Variants in TPCN1 observed in about 807,000 individuals in gnomAD.
TPCN1 encodes the protein two pore segment channel 1.
In TPCN1, 52 loss-of-function variants were observed where a neutral mutation model predicts 108.8. The ratio of observed to expected loss-of-function variants is 0.48; its 90% confidence interval spans 0.38 to 0.60. The LOEUF (loss-of-function observed/expected upper bound fraction) is 0.60. Ranked by LOEUF, TPCN1 falls within the 20% of genes least tolerant of loss-of-function variation. TPCN1 has a pLI of 0.00. For synonymous variants in TPCN1, 446 were observed against 433.7 expected (o/e 1.03, Z -0.35); for missense variants, 806 against 1,072.8 (o/e 0.75, Z 3.47).
chr12:113,286,966 T>G, intron 18 of TPCN1, 21 bp from the exon 19 acceptor site: 3 of 1,596,726 alleles, frequency 1.9e-6, no homozygotes, highest in South Asian at 2.2e-5. Context: ...AGGGTGGACC[T>G]TGGCCTCTCC....
chr12:113,244,697 G>A lies in TPCN1; in HGVS notation c.113-15671G>A, dbSNP rs548432547. The A allele has an allele frequency of 5.4e-5, 53 of 985,360 alleles. No homozygotes were observed. In the East Asian group the frequency reaches 9.1e-4, roughly 17 times the overall value. 61.0% of individuals were successfully genotyped at this position (985,360 alleles called of 1,614,324 possible). On this transcript the variant is annotated intron_variant, in intron 2 of 27. Coordinates refer to ENST00000335509, the MANE Select transcript of TPCN1 (RefSeq NM_017901.6). ...CTGGCAAGCGGCGGGGCGGTTGCTC[G>A]TTGTCATTCTGGTAGGCGCTGGTTT...
chr12:113,241,761 C>CGTGTGTGT lies in TPCN1; in HGVS notation c.112+14823_112+14830dup, dbSNP rs67580212. 8.0e-3 allele frequency among the ~76,000 whole-genome samples: 1,155 copies of CGTGTGTGT among 144,462 alleles called. 13 individuals carry two copies. The highest frequency in any genetic ancestry group is 0.021 in the African/African-American group (821 of 39,286). 94.8% of individuals were successfully genotyped at this position (144,462 alleles called of 152,430 possible). On this transcript the variant is annotated intron_variant, in intron 2 of 27. Transcript: ENST00000335509. ...AAACAGTGGCGTTTGCGTGCCTCTG[C>CGTGTGTGT]GTGTGTGTGTGTGTGTGTGTGTGTG...
At chr12:113,230,398 C>T (rs186829935) in intron 2 of TPCN1, among the ~76,000 whole-genome samples, 429 of 150,236 alleles carry the variant, frequency 2.9e-3, no homozygotes, top group African/African-American at 9.0e-3. Context: ...AAGTGATCCT[C>T]CCACCTCAGC....
At chr12:113,279,609 C>T (rs1955822276) in intron 14 of TPCN1, among the ~76,000 whole-genome samples, 1 of 150,936 alleles carries the variant, frequency 6.6e-6, no homozygotes, top group African/African-American at 2.4e-5. Flanking sequence ...TTTCACCATG[C>T]TGGCCAGGCT....
chr12:113,277,413 C>T lies in TPCN1; in HGVS notation c.1184+49C>T, dbSNP rs145849341. 4.4e-4 allele frequency: 713 copies of T among 1,609,054 alleles called. 5 individuals are homozygous for T. In the East Asian group the frequency reaches 0.013, roughly 30 times the overall value. On this transcript the variant is annotated intron_variant, in intron 12 of 27. Transcript: ENST00000335509. ...GCAGCATGGCCAGACAAGGTGTTCACGTCTAGAGTGAACGGGGGCATGTGA... is the reference window on the plus strand; with the variant it reads ...GCAGCATGGCCAGACAAGGTGTTCATGTCTAGAGTGAACGGGGGCATGTGA...
At position 113,293,369 on chromosome 12, in the gene TPCN1, C is replaced by T. The variant is rs941176058; in HGVS notation, c.2334+20C>T. On this transcript the variant is annotated intron_variant, in intron 27 of 27. Coordinates refer to ENST00000335509, the MANE Select transcript of TPCN1 (RefSeq NM_017901.6). ...ATCCAGGTAGGAGCCTGGCCGACCA[C>T]GCTGCGAATCCTCCCCCAAGCTATG... is the stretch of plus-strand genomic sequence containing the variant. 36 of 1,610,946 alleles carry T rather than the reference C, an allele frequency of 2.2e-5. No individual in the cohort carries two copies. Among genetic ancestry groups the T allele is most frequent in the Non-Finnish European group, 2.7e-5 (32 of 1,177,634 alleles).
intron 2 of TPCN1, among the ~76,000 whole-genome samples, chr12:113,256,724 A>G (rs1044852566): frequency 1.3e-5 from 2 of 152,104 alleles, no homozygotes; most frequent in African/African-American, 2.4e-5. Flanking sequence ...TGTAGAGACA[A>G]GATCTCACTG....
At chr12:113,244,607 T>C (rs1472741936) in intron 2 of TPCN1, 1 of 985,422 alleles carries the variant, frequency 1.0e-6, no homozygotes, top group African/African-American at 1.7e-5. Context: ...CTCATCAGTG[T>C]CACTCTGGTT....
Position 113,284,790 on chromosome 12 carries a change from T to C in TPCN1, c.1453+19T>C. 6.2e-7 allele frequency: 1 copy of C among 1,613,806 alleles called. No homozygotes were observed. The highest frequency in any genetic ancestry group is 8.5e-7 in the Non-Finnish European group (1 of 1,179,658). Reference sequence around the variant, plus strand: ...CTAACTAGTACGTTTCCGACATGGCTTTGCTGGACTGCTTGTTTTAAAATT... The same window carrying C: ...CTAACTAGTACGTTTCCGACATGGCCTTGCTGGACTGCTTGTTTTAAAATT... On this transcript the variant is annotated intron_variant, in intron 17 of 27. Coordinates refer to ENST00000335509, the MANE Select transcript of TPCN1 (RefSeq NM_017901.6). This position sits in a 1 kb window ranked among gnomAD's most constrained non-coding sequence, Gnocchi z 4.1.
intron 27 of TPCN1, 36 bp downstream of exon 27, chr12:113,293,385 C>G: frequency 6.3e-7 from 1 of 1,593,776 alleles, no homozygotes; most frequent in East Asian, 2.2e-5. Flanking sequence ...GAATCCTCCC[C>G]CAAGCTATGT....
chr12:113,243,557 C>T (rs1954232135), intron 2 of TPCN1, among the ~76,000 whole-genome samples: 1 of 152,078 alleles, frequency 6.6e-6, no homozygotes, highest in African/African-American at 2.4e-5. Flanking sequence ...ATTTTGAGAC[C>T]AGCCTGGCCA....
intron 1 of TPCN1, among the ~76,000 whole-genome samples, chr12:113,225,850 G>A (rs948248154): frequency 8.6e-5 from 13 of 151,790 alleles, no homozygotes; most frequent in African/African-American, 4.8e-5. Context: ...CACTGTGCCC[G>A]GCCTAATTCT....
At chr12:113,278,934 G>A in intron 14 of TPCN1, 99 bp downstream of exon 14, 2 of 1,023,188 alleles carry the variant, frequency 2.0e-6, no homozygotes, top group South Asian at 2.7e-5. Context: ...AGAGGGGTGT[G>A]TGTGTGTGTG....
intron 2 of TPCN1, among the ~76,000 whole-genome samples, chr12:113,249,065 C>G (rs545071321): frequency 2.0e-5 from 3 of 152,226 alleles, no homozygotes; most frequent in South Asian, 4.1e-4. Flanking sequence ...TGAGGCCCCT[C>G]CTGCCCCAAG....
intron 14 of TPCN1, 128 bp from the exon 15 acceptor site, chr12:113,280,023 C>A (rs749332514): frequency 1.4e-5 from 10 of 694,790 alleles, no homozygotes; most frequent in Non-Finnish European, 2.6e-5. Flanking sequence ...AAAGACCATG[C>A]TTACCTGCAT....
intron 2 of TPCN1, among the ~76,000 whole-genome samples, chr12:113,241,561 G>A (rs539460616): frequency 2.5e-4 from 38 of 152,358 alleles, no homozygotes; most frequent in Admixed American, 8.5e-4. Context: ...GCTTTCTGCT[G>A]ACCTCTTGCA....
chr12:113,236,792 T>A (rs1953916075), intron 2 of TPCN1, among the ~76,000 whole-genome samples: 1 of 152,124 alleles, frequency 6.6e-6, no homozygotes, highest in Non-Finnish European at 1.5e-5. Context: ...GGGCAGATGA[T>A]GTAACCTCTC....
At chr12:113,225,589 C>G (rs1005743920) in intron 1 of TPCN1, among the ~76,000 whole-genome samples, 1 of 152,028 alleles carries the variant, frequency 6.6e-6, no homozygotes, top group Non-Finnish European at 1.5e-5. Flanking sequence ...GAGACAGAGT[C>G]TCGCCCTGTC....
At chr12:113,245,820 C>A (rs1465849050) in intron 2 of TPCN1, 3 of 386,436 alleles carry the variant, frequency 7.8e-6, no homozygotes, top group African/African-American at 6.2e-5. Context: ...GTCGTGGAAG[C>A]CTTCCCCTCC....
Sources: gnomAD v4.1 joint callset for allele counts (sites outside exome capture counted in the v4.1 genomes callset) on GRCh38, gnomAD v4.1.1 for gene constraint, Gnocchi (gnomAD v3.1) non-coding constraint, MANE v1.5 for transcripts, NCBI Gene and HGNC (gene_info 2026-07-23, HGNC 2026-07-21) for gene names.